Variants in NAA16 observed in about 807,000 individuals in gnomAD.
The protein encoded by NAA16 is N-alpha-acetyltransferase 16, NatA auxiliary subunit, also known as NARG1-like protein.
Under a neutral mutation model 110.3 loss-of-function variants are expected in NAA16, and 97 were observed. The ratio of observed to expected loss-of-function variants is 0.88; its 90% CI spans 0.75 to 1.04. The LOEUF (loss-of-function observed/expected upper bound fraction) is 1.04, where lower values mean the gene tolerates loss of function less well. Ranked by LOEUF, NAA16 falls within the 50% of genes least tolerant of loss-of-function variation. The pLI, the probability that NAA16 is intolerant of heterozygous loss-of-function variation, is 0.00. For synonymous variants in NAA16, 372 were observed against 330.6 expected (o/e 1.13, Z -1.36); for missense variants, 1,017 against 1,005.1 (o/e 1.01, Z -0.16).
At chr13:41,354,922 A>G (rs1336435026) in intron 9 of NAA16, among the ~76,000 whole-genome samples, 6 of 95,290 alleles carry the variant, frequency 6.3e-5, no homozygotes, top group Non-Finnish European at 1.1e-4. Flanking sequence ...TGAGTGGTCC[A>G]TATATATAGC....
Position 41,340,647 on chromosome 13 carries a change from GTTTTTTTTTTTTTTTTTTTTTTT to G in NAA16, c.1014+3913_1014+3935del, listed in dbSNP as rs754237653. Among the ~76,000 whole-genome samples the G allele has an allele frequency of 3.9e-3, 172 of 43,596 alleles. 4 individuals are homozygous for G. Among genetic ancestry groups the G allele is most frequent in the African/African-American group, 0.012 (155 of 12,686 alleles). 28.6% of individuals were successfully genotyped at this position (43,596 alleles called of 152,430 possible). ...CATATAGTTGTGCGGTTTTGAGTGA[GTTTTTTTTTTTTTTTTTTTTTTT>G]TTTTTTTTTTTTTTTTTTTTTCCGA... is the stretch of plus-strand genomic sequence containing the variant. On this transcript the variant is annotated intron_variant, in intron 9 of 19. Transcript: ENST00000379406.
rs527830386 is a variant in NAA16, at chr13:41,358,900, A to G, written c.1348A>G (p.Lys450Glu). The G allele has an allele frequency of 3.1e-6, 5 of 1,612,576 alleles. No homozygotes were observed. Among genetic ancestry groups the G allele is most frequent in the Admixed American group, 1.7e-5 (1 of 59,990 alleles). ...ADRFINSKCAKYMLRANMIKE... is the reference protein window; with the variant it reads ...ADRFINSKCAEYMLRANMIKE... The stretch of plus-strand genomic sequence containing the variant: ...TAGATTCATCAATTCCAAATGTGCA[A>G]AATACATGCTTCGAGCAAATATGAT... The change falls in exon 12 of 20, where the codon AAA becomes GAA. Residue 450 changes from lysine (K) to glutamate (E), a missense_variant. Lys to Glu is a moderately conservative substitution (Grantham distance 56). Coordinates refer to ENST00000379406, the MANE Select transcript of NAA16 (RefSeq NM_024561.5).
chr13:41,319,478 G>T (rs941847863), intron 3 of NAA16, among the ~76,000 whole-genome samples: 7 of 152,004 alleles, frequency 4.6e-5, no homozygotes, highest in Admixed American at 3.3e-4. Flanking sequence ...TTATAATTGT[G>T]TTTTTCTTTG....
At chr13:41,323,812 T>C (rs2042012885) in intron 5 of NAA16, among the ~76,000 whole-genome samples, 1 of 152,180 alleles carries the variant, frequency 6.6e-6, no homozygotes, top group Non-Finnish European at 1.5e-5. Flanking sequence ...ATATTCTACA[T>C]GTGGATTCAG....
chr13:41,338,791 G>T (rs917041339), intron 9 of NAA16, among the ~76,000 whole-genome samples: 2 of 151,996 alleles, frequency 1.3e-5, no homozygotes, highest in African/African-American at 4.8e-5. Context: ...AGATTTTGGG[G>T]AGTAGGTGGT....
chr13:41,342,199 A>G (rs1593467266), intron 9 of NAA16, among the ~76,000 whole-genome samples: 1 of 142,876 alleles, frequency 7.0e-6, no homozygotes, highest in Non-Finnish European at 1.5e-5. Context: ...GTGCAGTGGC[A>G]CGCTCTCGGC....
intron 10 of NAA16, among the ~76,000 whole-genome samples, chr13:41,357,204 C>T (rs983767362): frequency 6.6e-6 from 1 of 152,060 alleles, no homozygotes; most frequent in Non-Finnish European, 1.5e-5. Flanking sequence ...ACCTGTAGTC[C>T]CAGCTACTTG....
At chr13:41,362,564 A>G (rs925896088) in intron 13 of NAA16, 1 of 500,760 alleles carries the variant, frequency 2.0e-6, no homozygotes, top group Admixed American at 3.3e-5. Flanking sequence ...TTGTCTTCCC[A>G]GGATATTTGC....
intron 9 of NAA16, among the ~76,000 whole-genome samples, chr13:41,343,675 G>A (rs1274669871): frequency 2.0e-5 from 3 of 152,080 alleles, no homozygotes; most frequent in East Asian, 1.9e-4. Context: ...GACTACAGGC[G>A]CACACCGCCA....
Position 41,362,020 on chromosome 13 carries a change from T to C in NAA16, c.1411-11T>C. The C allele has an allele frequency of 6.2e-7, 1 of 1,610,438 alleles. No homozygotes were observed. The highest frequency in any genetic ancestry group is 8.5e-7 in the Non-Finnish European group (1 of 1,178,642). ...GTTTGCTCTCTATAGTTTTGAATGCTTCCATTTCAGGAAGGAACATCTGCC... is the reference window on the plus strand; with the variant it reads ...GTTTGCTCTCTATAGTTTTGAATGCCTCCATTTCAGGAAGGAACATCTGCC... On this transcript the variant is annotated splice_polypyrimidine_tract_variant and intron_variant, in intron 12 of 19. Coordinates refer to ENST00000379406, the MANE Select transcript of NAA16 (RefSeq NM_024561.5).
intron 16 of NAA16, 193 bp from the exon 17 acceptor site, chr13:41,372,539 A>G (rs2043342866): frequency 7.1e-6 from 7 of 985,232 alleles, no homozygotes; most frequent in South Asian, 9.4e-5. Context: ...ACCTGAAGCA[A>G]TTTTTATGAT....
At chr13:41,333,275 TATA>T (rs1403229132) in intron 8 of NAA16, among the ~76,000 whole-genome samples, 3 of 152,146 alleles carry the variant, frequency 2.0e-5, no homozygotes, top group Non-Finnish European at 2.9e-5. Context: ...CTTTTTGAAA[TATA>T]ATCCATATAC....
chr13:41,360,013 GT>G (rs1300938175), intron 12 of NAA16, among the ~76,000 whole-genome samples: 5 of 152,140 alleles, frequency 3.3e-5, no homozygotes, highest in Non-Finnish European at 7.4e-5. Context: ...CTACCACATA[GT>G]AAATAGCACT....
chr13:41,325,115 G>A (rs572050343), intron 5 of NAA16, among the ~76,000 whole-genome samples: 12 of 151,760 alleles, frequency 7.9e-5, no homozygotes, highest in African/African-American at 2.9e-4. Flanking sequence ...GTGCCACCAC[G>A]CCAGGCTAAT....
intron 9 of NAA16, among the ~76,000 whole-genome samples, chr13:41,343,670 C>T (rs1328726358): frequency 6.6e-6 from 1 of 152,154 alleles, no homozygotes; most frequent in African/African-American, 2.4e-5. Flanking sequence ...GCTGGGACTA[C>T]AGGCGCACAC....
chr13:41,375,134 G>A (rs1259752314), intron 19 of NAA16, among the ~76,000 whole-genome samples: 1 of 152,180 alleles, frequency 6.6e-6, no homozygotes, highest in African/African-American at 2.4e-5. Flanking sequence ...GTAAATGTGG[G>A]CTATTTTTGT....
intron 12 of NAA16, 71 bp downstream of exon 12, chr13:41,359,033 A>G: frequency 6.7e-6 from 9 of 1,342,514 alleles, no homozygotes; most frequent in South Asian, 1.8e-5. Flanking sequence ...CTAAATTAAG[A>G]CAGTTTGTGA....
chr13:41,340,541 T>A (rs565249707), intron 9 of NAA16, among the ~76,000 whole-genome samples: 3 of 152,206 alleles, frequency 2.0e-5, no homozygotes, highest in South Asian at 4.1e-4. Context: ...TTTGTTCTCG[T>A]TGGTTTCAAA....
At chr13:41,315,018 A>G (rs1380256710) in intron 1 of NAA16, among the ~76,000 whole-genome samples, 1 of 152,136 alleles carries the variant, frequency 6.6e-6, no homozygotes, top group Non-Finnish European at 1.5e-5. Flanking sequence ...AAGATAGGTG[A>G]GATCATTGTT....
Sources: gnomAD v4.1 joint callset for allele counts (sites outside exome capture counted in the v4.1 genomes callset) on GRCh38, gnomAD v4.1.1 for gene constraint, MANE v1.5 for transcripts, NCBI Gene and HGNC (gene_info 2026-07-23, HGNC 2026-07-21) for gene names.